NBPF15: variants seen among roughly 807,000 people sequenced by gnomAD.
The protein encoded by NBPF15 is NBPF member 15.
Under a neutral mutation model 62.2 loss-of-function variants are expected in NBPF15, and 74 were observed. That is an observed-to-expected ratio of 1.19 (90% CI 0.99 to 1.44). NBPF15 has a LOEUF of 1.44. Ranked by LOEUF, NBPF15 falls within the 40% of genes most tolerant of loss-of-function variation. NBPF15 has a pLI of 0.00. For synonymous variants in NBPF15, 244 were observed against 209.7 expected (o/e 1.16, Z -1.41); for missense variants, 790 against 550.0 (o/e 1.44, Z -4.36).
Position 144,439,931 on chromosome 1 carries a change from G to A in NBPF15, c.73C>T (p.Arg25Cys), listed in dbSNP as rs1351126048. 96 of 1,611,200 alleles carry A rather than the reference G, an allele frequency of 6.0e-5. 1 individual carries two copies. The highest frequency in any genetic ancestry group is 1.3e-4 in the Admixed American group (8 of 59,956). Residue 25 changes from arginine (R) to cysteine (C), a missense_variant, in exon 8 of 22, where the codon CGC (arginine) becomes TGC (cysteine). By Grantham distance (180) the Arg-to-Cys change is radical (BLOSUM62 -3). Transcript: ENST00000581897. Reference sequence around the variant, plus strand: ...TGTTTCTTCTCTGCCAACTGGGGGCGCAATTTCTCATTGATTTCTAGAATG... The same window carrying A: ...TGTTTCTTCTCTGCCAACTGGGGGCACAATTTCTCATTGATTTCTAGAATG... ...MNILEINEKL[R>C]PQLAEKKQQF... is the part of the protein sequence containing the mutation.
At chr1:144,459,875 T>C (rs1462398090) in intron 2 of NBPF15, among the ~76,000 whole-genome samples, 4 of 151,782 alleles carry the variant, frequency 2.6e-5, no homozygotes, top group Non-Finnish European at 5.9e-5. Flanking sequence ...TACAACCACT[T>C]TGGGAAAACG....
intron 10 of NBPF15, among the ~76,000 whole-genome samples, chr1:144,436,348 C>T (rs1553541200): frequency 2.6e-5 from 4 of 151,978 alleles, no homozygotes; most frequent in Non-Finnish European, 4.4e-5. Context: ...TGAAGCACTT[C>T]CTACCACAAA....
rs1410284963 is a variant in NBPF15, at chr1:144,422,724, G to C, written c.*289C>G. The C allele has an allele frequency of 1.7e-6, 1 of 603,004 alleles. No homozygotes were observed. The highest frequency in any genetic ancestry group is 2.8e-6 in the Non-Finnish European group (1 of 354,438). 37.4% of individuals were successfully genotyped at this position (603,004 alleles called of 1,614,324 possible). Reference sequence around the variant, plus strand: ...GACATGCCTGCAAAATGAAATCCCTGAGGAATTTTGTAGCTACCCAGAGAT... The same window carrying C: ...GACATGCCTGCAAAATGAAATCCCTCAGGAATTTTGTAGCTACCCAGAGAT... On this transcript the variant is annotated 3_prime_UTR_variant, in exon 22 of 22. Transcript: ENST00000581897.
At chr1:144,445,486 A>T (rs1436727719) in intron 6 of NBPF15, among the ~76,000 whole-genome samples, 8 of 140,504 alleles carry the variant, frequency 5.7e-5, no homozygotes, top group Admixed American at 2.9e-4. Flanking sequence ...TATATATTCC[A>T]TTTTTTTTTT....
chr1:144,442,451 C>T (rs1233948687), intron 6 of NBPF15, among the ~76,000 whole-genome samples: 4 of 145,464 alleles, frequency 2.7e-5, no homozygotes, highest in Admixed American at 7.0e-5. Flanking sequence ...TTTTAAGTGG[C>T]GGAGCGAGGG....
At chr1:144,423,629 G>C (rs1260655817) in intron 21 of NBPF15, among the ~76,000 whole-genome samples, 1 of 152,018 alleles carries the variant, frequency 6.6e-6, no homozygotes, top group Non-Finnish European at 1.5e-5. Context: ...CTCAAAATTT[G>C]ATGCAGTGGC....
At chr1:144,448,026 T>C (rs1219894047) in intron 6 of NBPF15, among the ~76,000 whole-genome samples, 2 of 152,076 alleles carry the variant, frequency 1.3e-5, no homozygotes, top group African/African-American at 4.8e-5. Context: ...TTAGCCATGC[T>C]TTGCTTCTGC....
intron 10 of NBPF15, among the ~76,000 whole-genome samples, chr1:144,436,130 A>G (rs1157933558): frequency 2.4e-4 from 37 of 152,058 alleles, no homozygotes; most frequent in East Asian, 7.7e-4. Context: ...CTCTCTGGAC[A>G]TTGGCAGCTG....
Position 144,440,228 on chromosome 1 carries a change from A to C in NBPF15, c.-123T>G. On this transcript the variant is annotated 5_prime_UTR_variant, in exon 7 of 22. Transcript: ENST00000581897. The stretch of plus-strand genomic sequence containing the variant: ...TCGAGGTGCCTCAACTCAGAGCTGA[A>C]AGCACTGTCAGTAGCGCAGACTCTG... 1 of 1,520,924 alleles carries C rather than the reference A, an allele frequency of 6.6e-7. No individual in the cohort carries two copies. The highest frequency in any genetic ancestry group is 8.8e-7 in the Non-Finnish European group (1 of 1,131,686). The allele number at this position is 1,520,924 out of a possible 1,614,324, so 94.2% of individuals were successfully genotyped here. A position where few individuals can be genotyped will look rare whatever the true frequency, so the allele number is the denominator to read the frequency against.
intron 20 of NBPF15, 76 bp downstream of exon 20, chr1:144,424,614 G>T (rs1470405007): frequency 6.1e-6 from 4 of 658,776 alleles, no homozygotes; most frequent in African/African-American, 1.8e-5. Flanking sequence ...CTCAGTAATG[G>T]CCAATTGGAG....
At chr1:144,426,523 G>A (rs1669771167) in intron 17 of NBPF15, 73 bp from the exon 18 acceptor site, 5 of 770,252 alleles carry the variant, frequency 6.5e-6, no homozygotes, top group Admixed American at 5.3e-5. Context: ...TAGATTTCAT[G>A]GCTAACATAA....
At position 144,439,973 on chromosome 1, in the gene NBPF15, C is replaced by T. The variant is rs1195273556; in HGVS notation, c.31G>A (p.Glu11Lys). 281 of 1,610,350 alleles carry T rather than the reference C, an allele frequency of 1.7e-4. 1 individual carries two copies. The highest frequency in any genetic ancestry group is 2.2e-4 in the Non-Finnish European group (259 of 1,178,408). MVVSAGPLSS[E>K]KAEMNILEIN... ...TCTAGAATGTTCATCTCTGCCTTCT[C>T]GCTGGACAAAGGGCCGGCTGATACC... Residue 11 changes from glutamate to lysine, a missense_variant, in exon 8 of 22, where the codon GAG (glutamate) becomes AAG (lysine). Coordinates refer to ENST00000581897, the MANE Select transcript of NBPF15 (RefSeq NM_001385408.1).
rs1316439506 is a variant in NBPF15, at chr1:144,436,983, C to A, written c.405G>T (p.Glu135Asp). ...EHLQALLTPD[E>D]PDKSQGQDLQ... ...GGTCCTGCCCCTGGGACTTGTCCGGCTCATCCGGAGTGAGGAGGGCCTGGA... is the reference window on the plus strand; with the variant it reads ...GGTCCTGCCCCTGGGACTTGTCCGGATCATCCGGAGTGAGGAGGGCCTGGA... The change falls in exon 10 of 22, where the codon GAG becomes GAT. Residue 135 changes from glutamate to aspartate, a missense_variant. Coordinates refer to ENST00000581897, the MANE Select transcript of NBPF15 (RefSeq NM_001385408.1). 5.7e-6 allele frequency: 9 copies of A among 1,579,480 alleles called. No homozygotes were observed. The highest frequency in any genetic ancestry group is 2.2e-5 in the East Asian group (1 of 44,694).
chr1:144,449,802 A>G (rs1276795881), intron 5 of NBPF15, among the ~76,000 whole-genome samples: 1 of 151,632 alleles, frequency 6.6e-6, no homozygotes, highest in Non-Finnish European at 1.5e-5. Context: ...TGTAGTTGTT[A>G]TTCTATGTCT....
intron 1 of NBPF15, among the ~76,000 whole-genome samples, 156 bp from the exon 2 acceptor site, chr1:144,461,117 C>T (rs1231287104): frequency 4.0e-5 from 6 of 151,742 alleles, no homozygotes; most frequent in Admixed American, 3.9e-4. Context: ...ACAGGATACA[C>T]GAGGACGTGC....
chr1:144,426,615 G>A (rs1370567818), intron 17 of NBPF15, among the ~76,000 whole-genome samples, 165 bp from the exon 18 acceptor site: 1 of 150,754 alleles, frequency 6.6e-6, no homozygotes, highest in Non-Finnish European at 1.5e-5. Context: ...ACCAGGGCCA[G>A]GTAGAAAAGA....
intron 6 of NBPF15, among the ~76,000 whole-genome samples, chr1:144,441,145 T>A (rs1571140003): frequency 6.6e-6 from 1 of 151,988 alleles, no homozygotes; most frequent in East Asian, 1.9e-4. Context: ...CATAAGTAAC[T>A]ATGAATATTC....
At chr1:144,440,848 T>C (rs1471480810) in intron 6 of NBPF15, among the ~76,000 whole-genome samples, 3 of 151,584 alleles carry the variant, frequency 2.0e-5, no homozygotes, top group Non-Finnish European at 4.4e-5. Flanking sequence ...TTTTTGTATT[T>C]TTAGTAGAGA....
At chr1:144,444,804 G>C (rs1553543577) in intron 6 of NBPF15, among the ~76,000 whole-genome samples, 1 of 151,900 alleles carries the variant, frequency 6.6e-6, no homozygotes, top group African/African-American at 2.4e-5. Context: ...TCTTGTTACT[G>C]AGCCACGAGA....
Sources: allele counts gnomAD v4.1 joint callset (sites outside exome capture counted in the v4.1 genomes callset), GRCh38; gene constraint gnomAD v4.1.1; transcripts MANE v1.5; gene names NCBI Gene and HGNC (gene_info 2026-07-23, HGNC 2026-07-21).